The following TSHZ2 variants were observed in gnomAD, a reference collection of about 807,000 sequenced individuals.
TSHZ2 encodes the protein teashirt homolog 2.
TSHZ2 carries 21 observed loss-of-function variants against 74.4 expected under a neutral mutation model. The observed-to-expected ratio is 0.28, with a 90% CI of 0.20 to 0.41. The LOEUF (loss-of-function observed/expected upper bound fraction) is 0.41. Among genes scored for constraint, TSHZ2 ranks in the 10% least tolerant of loss-of-function variants. The pLI is 1.00. For synonymous variants in TSHZ2, 540 were observed against 515.3 expected (o/e 1.05, Z -0.65); for missense variants, 1,244 against 1,293.5 (o/e 0.96, Z 0.59).
chr20:53,347,841 G>A (rs59212583), intron 2 of TSHZ2, among the ~76,000 whole-genome samples: 2,039 of 152,066 alleles, frequency 0.013, 39 homozygotes, highest in African/African-American at 0.045. Flanking sequence ...AAAATTCACC[G>A]TTTTAAGTAT....
rs56822266 is a variant in TSHZ2 at position 53,417,241 on chromosome 20, GACACAC to G, written c.*9-69870_*9-69865del. On this transcript the variant is annotated intron_variant, in intron 2 of 2. Coordinates refer to ENST00000371497, the MANE Select transcript of TSHZ2 (RefSeq NM_173485.6). ...CTATATACAGACACAGACACACACA[GACACAC>G]ACACACACACACACACACACACACA... is the stretch of plus-strand genomic sequence containing the variant. Among the ~76,000 whole-genome samples the G allele has an allele frequency of 4.8e-3, 666 of 138,110 alleles. 4 individuals are homozygous for G. The highest frequency in any genetic ancestry group is 7.9e-3 in the Admixed American group (111 of 14,122). The allele number at this position is 138,110 out of a possible 152,430, so 90.6% of individuals were successfully genotyped here.
rs551136554 is a variant in TSHZ2, at chr20:53,280,092, G to A, written c.*8+23521G>A. 4.6e-5 allele frequency among the ~76,000 whole-genome samples: 7 copies of A among 152,288 alleles called. No individual in the cohort carries two copies. In the South Asian group the frequency reaches 1.5e-3, roughly 32 times the overall value. On this transcript the variant is annotated intron_variant, in intron 2 of 2. Transcript: ENST00000371497. ...AAATAGGGAAAGAGCATGACCCAAT[G>A]GGCATTTTTGAAGATGACTCTGCTC...
In TSHZ2 at chr20:52,973,424, C is replaced by G; in HGVS notation, c.40+91C>G. Reference sequence around the variant, plus strand: ...CCTGGGTGCCCGGGGGCACCACCCACTTAAGCTTTCGGGGGAGTTTGCGCC... The same window carrying G: ...CCTGGGTGCCCGGGGGCACCACCCAGTTAAGCTTTCGGGGGAGTTTGCGCC... On this transcript the variant is annotated intron_variant, in intron 1 of 2. Coordinates refer to ENST00000371497, the MANE Select transcript of TSHZ2 (RefSeq NM_173485.6). The G allele has an allele frequency of 4.7e-6, 7 of 1,499,104 alleles. No homozygotes were observed. The South Asian group carries it at 8.7e-5, about 19-fold the overall frequency. 92.9% of individuals were successfully genotyped at this position (1,499,104 alleles called of 1,614,324 possible).
chr20:53,271,559 T>C (rs1600781190), intron 2 of TSHZ2, among the ~76,000 whole-genome samples: 2 of 152,138 alleles, frequency 1.3e-5, no homozygotes, highest in East Asian at 3.9e-4. Flanking sequence ...CCACAAGGCT[T>C]AGCCTCTGCT....
intron 2 of TSHZ2, chr20:53,400,301 T>C (rs1268501274): frequency 6.6e-6 from 1 of 152,266 alleles, no homozygotes; most frequent in African/African-American, 2.4e-5. Context: ...GTCTATGGTC[T>C]TTCAGGCTCA....
At chr20:53,115,931 T>G (rs1013915608) in intron 1 of TSHZ2, among the ~76,000 whole-genome samples, 1 of 152,168 alleles carries the variant, frequency 6.6e-6, no homozygotes, top group Non-Finnish European at 1.5e-5. Context: ...TTGATGGATG[T>G]GGGTGTGGAT....
chr20:53,025,327 A>G (rs977668485), intron 1 of TSHZ2, among the ~76,000 whole-genome samples: 1 of 152,186 alleles, frequency 6.6e-6, no homozygotes, highest in Non-Finnish European at 1.5e-5. Flanking sequence ...TTCATCATAT[A>G]TTGATTCAAA....
At chr20:53,344,108 T>C (rs200623) in intron 2 of TSHZ2, among the ~76,000 whole-genome samples, 133,001 of 152,164 alleles carry the variant, frequency 0.87, 58,521 homozygotes, top group African/African-American at 0.96. Flanking sequence ...GAGATATTTA[T>C]GCTGATGCAA....
At chr20:53,034,654 A>G (rs1192940102) in intron 1 of TSHZ2, among the ~76,000 whole-genome samples, 8 of 152,242 alleles carry the variant, frequency 5.3e-5, no homozygotes, top group Admixed American at 5.2e-4. Flanking sequence ...GTTACCAATG[A>G]GAAGAAGGAC....
chr20:53,182,085 C>T (rs1988483598), intron 1 of TSHZ2, among the ~76,000 whole-genome samples: 1 of 151,740 alleles, frequency 6.6e-6, no homozygotes, highest in Non-Finnish European at 1.5e-5. Flanking sequence ...CCTAGGCCGG[C>T]CTGCCTTCCT....
intron 1 of TSHZ2, among the ~76,000 whole-genome samples, chr20:53,232,029 C>T (rs6022349): frequency 0.21 from 32,550 of 152,020 alleles, 3,667 homozygotes; most frequent in Middle Eastern, 0.29. Flanking sequence ...AGACTACGGG[C>T]GCCTGCTACC....
chr20:53,469,064 T>TATATATATAC (rs1555872270), intron 2 of TSHZ2, among the ~76,000 whole-genome samples: 47 of 123,432 alleles, frequency 3.8e-4, no homozygotes, highest in African/African-American at 1.4e-3. Context: ...TATATATATA[T>TATATATATAC]ATATATATAT....
chr20:53,420,457 C>T (rs1382108047), intron 2 of TSHZ2, among the ~76,000 whole-genome samples: 2 of 152,188 alleles, frequency 1.3e-5, no homozygotes, highest in African/African-American at 4.8e-5. Flanking sequence ...GGGCCAGGCG[C>T]GGTGGCTCAC....
chr20:53,461,617 A>G (rs1985376050), intron 2 of TSHZ2: 1 of 152,314 alleles, frequency 6.6e-6, no homozygotes, highest in African/African-American at 2.4e-5. Flanking sequence ...ACAGTACCCA[A>G]TATATAAAAC....
intron 1 of TSHZ2, among the ~76,000 whole-genome samples, chr20:53,040,495 C>T (rs534124240): frequency 5.9e-5 from 9 of 152,244 alleles, no homozygotes; most frequent in Admixed American, 5.2e-4. Flanking sequence ...AATGAGGTTA[C>T]ACAACTTGAG....
chr20:53,232,957 T>A (rs903986244), intron 1 of TSHZ2, among the ~76,000 whole-genome samples: 1 of 152,220 alleles, frequency 6.6e-6, no homozygotes, highest in African/African-American at 2.4e-5. Context: ...TGCTATCACT[T>A]AGAATTTCTA....
At chr20:53,472,121 A>G (rs932497608) in intron 2 of TSHZ2, among the ~76,000 whole-genome samples, 1 of 152,138 alleles carries the variant, frequency 6.6e-6, no homozygotes, top group Non-Finnish European at 1.5e-5. Context: ...GACAGATTCT[A>G]AGCTGGAATG....
chr20:53,340,498 A>C (rs1980154679), intron 2 of TSHZ2, among the ~76,000 whole-genome samples: 1 of 151,982 alleles, frequency 6.6e-6, no homozygotes, highest in African/African-American at 2.4e-5. Flanking sequence ...AAACAAGGTG[A>C]TTTTTCAAAA....
At chr20:53,450,111 C>T (rs1984716987) in intron 2 of TSHZ2, among the ~76,000 whole-genome samples, 1 of 152,212 alleles carries the variant, frequency 6.6e-6, no homozygotes, top group African/African-American at 2.4e-5. Flanking sequence ...TCATAGAAGG[C>T]ACTGGCTATG....
Sources: gnomAD v4.1 joint callset for allele counts (sites outside exome capture counted in the v4.1 genomes callset) on GRCh38, gnomAD v4.1.1 for gene constraint, MANE v1.5 for transcripts, NCBI Gene and HGNC (gene_info 2026-07-23, HGNC 2026-07-21) for gene names.